Variants in TBC1D1 observed in about 807,000 individuals in gnomAD.
TBC1D1 encodes the protein TBC1 domain family member 1.
Under a neutral mutation model 125.6 loss-of-function variants are expected in TBC1D1, and 89 were observed. That is an observed-to-expected ratio of 0.71 (90% CI 0.60 to 0.85). The LOEUF (loss-of-function observed/expected upper bound fraction) is 0.85. TBC1D1 is among the 40% of genes least tolerant of loss of function. TBC1D1 has a pLI of 0.00. For synonymous variants in TBC1D1, 565 were observed against 564.1 expected (o/e 1.00, Z -0.02); for missense variants, 1,377 against 1,469.2 (o/e 0.94, Z 1.03).
chr4:38,012,922 T>C (rs1030760971), intron 2 of TBC1D1, among the ~76,000 whole-genome samples: 1 of 152,134 alleles, frequency 6.6e-6, no homozygotes, highest in Non-Finnish European at 1.5e-5. Flanking sequence ...GCCTCCCAAG[T>C]AGCTGGGATT....
At chr4:38,122,372 G>A (rs865843921) in intron 17 of TBC1D1, among the ~76,000 whole-genome samples, 5 of 152,346 alleles carry the variant, frequency 3.3e-5, no homozygotes, top group Middle Eastern at 3.4e-3. Flanking sequence ...TGGTGATCTG[G>A]ACCTGCGTGC....
chr4:38,014,755 A>G lies in TBC1D1; in HGVS notation c.664A>G (p.Thr222Ala). 1 of 1,062,986 alleles carries G rather than the reference A, an allele frequency of 9.4e-7. No homozygotes were observed. The highest frequency in any genetic ancestry group is 1.4e-6 in the Non-Finnish European group (1 of 720,560). 65.8% of individuals were successfully genotyped at this position (1,062,986 alleles called of 1,614,324 possible). The stretch of plus-strand genomic sequence containing the variant: ...CCCCAACCCGCCCCATGCCGCGCCC[A>G]CAGGGAGCCAGGAGCCTGTGCGCAG... Residue 222 changes from threonine to alanine, a missense_variant, in exon 3 of 20, where the codon ACA (threonine) becomes GCA (alanine). Thr to Ala is a moderately conservative substitution (Grantham distance 58, BLOSUM62 0). Around this residue, in one of 3 missense-constraint regions of TBC1D1, gnomAD observed 822 missense variants for 824.6 expected, o/e 1.00. Transcript: ENST00000261439. This position sits in a 1 kb window ranked among gnomAD's most constrained non-coding sequence, Gnocchi z 5.1.
chr4:38,092,457 A>C (rs1484222875), intron 13 of TBC1D1, among the ~76,000 whole-genome samples: 1 of 152,100 alleles, frequency 6.6e-6, no homozygotes, highest in Non-Finnish European at 1.5e-5. Flanking sequence ...TTGGCTTGGC[A>C]CAGTGGCTCA....
At chr4:38,094,642 T>C (rs1006832559) in intron 13 of TBC1D1, among the ~76,000 whole-genome samples, 86 of 152,306 alleles carry the variant, frequency 5.6e-4, no homozygotes, top group African/African-American at 2.0e-3. Context: ...GCCAGTTCTT[T>C]CTGGCTGTGT....
At chr4:37,981,351 C>T (rs1417587853) in intron 2 of TBC1D1, among the ~76,000 whole-genome samples, 1 of 152,286 alleles carries the variant, frequency 6.6e-6, no homozygotes, top group East Asian at 1.9e-4. Flanking sequence ...TATCTAGCCA[C>T]CATTCATTCA....
intron 2 of TBC1D1, among the ~76,000 whole-genome samples, chr4:37,965,343 G>GT (rs1226050070): frequency 6.6e-6 from 1 of 152,156 alleles, no homozygotes; most frequent in Non-Finnish European, 1.5e-5. Flanking sequence ...AGGTTTGCTG[G>GT]TTTTAGCAGT....
At chr4:37,990,580 TACG>T (rs1452882210) in intron 2 of TBC1D1, among the ~76,000 whole-genome samples, 3 of 152,222 alleles carry the variant, frequency 2.0e-5, no homozygotes, top group Non-Finnish European at 4.4e-5. Context: ...AAAGCCTTCT[TACG>T]GTTCCAGAAA....
chr4:37,936,941 AAG>A (rs1308098663), intron 2 of TBC1D1, among the ~76,000 whole-genome samples: 1 of 152,212 alleles, frequency 6.6e-6, no homozygotes, highest in Non-Finnish European at 1.5e-5. Context: ...CCCTGGCAGA[AAG>A]AGAATTTATT....
chr4:37,906,731 A>G (rs996131283), intron 2 of TBC1D1, among the ~76,000 whole-genome samples: 2 of 152,256 alleles, frequency 1.3e-5, no homozygotes, highest in Non-Finnish European at 2.9e-5. Flanking sequence ...ATGGAAATCC[A>G]TGCATAGTTT....
At chr4:38,054,401 C>G in intron 12 of TBC1D1, 63 bp downstream of exon 14, 2 of 1,601,530 alleles carry the variant, frequency 1.2e-6, no homozygotes, top group Non-Finnish European at 1.7e-6. Flanking sequence ...CCTGGGAGCC[C>G]CATCATATTG....
chr4:38,065,389 C>T (rs1178733631), intron 12 of TBC1D1, among the ~76,000 whole-genome samples: 1 of 152,054 alleles, frequency 6.6e-6, no homozygotes, highest in African/African-American at 2.4e-5. Context: ...GCCCTCAAGC[C>T]GCAGCAGCTG....
intron 2 of TBC1D1, among the ~76,000 whole-genome samples, chr4:37,997,575 A>G (rs547048967): frequency 6.6e-6 from 1 of 152,238 alleles, no homozygotes; most frequent in Non-Finnish European, 1.5e-5. Flanking sequence ...TTTTAAAAAA[A>G]TTAAAAATAA....
At chr4:38,021,484 C>A in intron 5 of TBC1D1, 102 bp from the exon 6 acceptor site, 1 of 1,135,920 alleles carries the variant, frequency 8.8e-7, no homozygotes, top group Non-Finnish European at 1.2e-6. Flanking sequence ...ACAGAAAACT[C>A]TTAAAGCTTA....
At chr4:38,090,519 C>T (rs1758251257) in intron 13 of TBC1D1, among the ~76,000 whole-genome samples, 1 of 152,134 alleles carries the variant, frequency 6.6e-6, no homozygotes. Context: ...AAGTCATTAA[C>T]ATACGTAACT....
At chr4:37,996,366 G>A (rs1737797020) in intron 2 of TBC1D1, among the ~76,000 whole-genome samples, 1 of 152,202 alleles carries the variant, frequency 6.6e-6, no homozygotes, top group African/African-American at 2.4e-5. Context: ...CCTTGGTATT[G>A]TGTGCAGTCT....
chr4:38,022,980 G>C lies in TBC1D1; in HGVS notation c.1210+1262G>C, dbSNP rs1400574873. ...ACCTGTAATTCCAGCGCTTGGGGAGGCTGAGGTGGGCAGATCACTTCAGGC... is the reference window on the plus strand; with the variant it reads ...ACCTGTAATTCCAGCGCTTGGGGAGCCTGAGGTGGGCAGATCACTTCAGGC... On this transcript the variant is annotated intron_variant, in intron 6 of 19. Coordinates refer to ENST00000261439, the MANE Select transcript of TBC1D1 (RefSeq NM_015173.4). Among the ~76,000 whole-genome samples, 6 of 152,270 alleles carry C rather than the reference G, an allele frequency of 3.9e-5. No individual in the cohort carries two copies. The East Asian group carries it at 9.6e-4, about 24-fold the overall frequency.
At chr4:37,955,420 A>T (rs1253391072) in intron 2 of TBC1D1, among the ~76,000 whole-genome samples, 1 of 152,202 alleles carries the variant, frequency 6.6e-6, no homozygotes, top group Non-Finnish European at 1.5e-5. Context: ...ATATAAAATG[A>T]CATAGTATTT....
At chr4:38,095,132 C>G (rs968361057) in intron 13 of TBC1D1, among the ~76,000 whole-genome samples, 24 of 152,012 alleles carry the variant, frequency 1.6e-4, no homozygotes, top group Non-Finnish European at 2.9e-5. Flanking sequence ...GGATGGAAAA[C>G]CATAAAAGCT....
intron 2 of TBC1D1, among the ~76,000 whole-genome samples, chr4:37,942,134 T>C (rs1182789039): frequency 6.6e-6 from 1 of 152,236 alleles, no homozygotes; most frequent in Non-Finnish European, 1.5e-5. Flanking sequence ...TGTTAAAGTC[T>C]CCCATTATTA....
Sources: gnomAD v4.1 joint callset for allele counts (sites outside exome capture counted in the v4.1 genomes callset) on GRCh38, gnomAD v4.1.1 for gene constraint, gnomAD v4.1.1 regional missense constraint, Gnocchi (gnomAD v3.1) non-coding constraint, MANE v1.5 for transcripts, NCBI Gene and HGNC (gene_info 2026-07-23, HGNC 2026-07-21) for gene names.